The following FRAS1 variants were observed in gnomAD, a reference collection of about 807,000 sequenced individuals.
FRAS1 encodes extracellular matrix organizing protein FRAS1.
In FRAS1, 290 loss-of-function variants were observed where a neutral mutation model predicts 435.2. The ratio of observed to expected loss-of-function variants is 0.67; its 90% confidence interval spans 0.61 to 0.73. The LOEUF (loss-of-function observed/expected upper bound fraction) is 0.73. FRAS1 is among the 30% of genes least tolerant of loss of function. FRAS1 has a pLI of 0.00. For synonymous variants in FRAS1, 1,800 were observed against 1,851.0 expected, an observed-to-expected ratio of 0.97 and a Z score of 0.71; for missense variants, 4,860 against 5,001.5, an observed-to-expected ratio of 0.97 and a Z score of 0.85.
intron 2 of FRAS1, among the ~76,000 whole-genome samples, chr4:78,118,732 C>A (rs1013372196): frequency 1.3e-5 from 2 of 152,184 alleles, no homozygotes; most frequent in African/African-American, 4.8e-5. Flanking sequence ...CTTTCTTTGA[C>A]TAGGAAAGGG....
chr4:78,229,724 A>T (rs1481190132), intron 2 of FRAS1, among the ~76,000 whole-genome samples: 2 of 146,464 alleles, frequency 1.4e-5, no homozygotes, highest in Non-Finnish European at 3.0e-5. Flanking sequence ...AAAAAAAAAA[A>T]GTCAGGGTTT....
chr4:78,258,339 CA>C (rs33932507), intron 6 of FRAS1, among the ~76,000 whole-genome samples: 80,731 of 139,746 alleles, frequency 0.58, 22,842 homozygotes, highest in Middle Eastern at 0.62. Context: ...AGACCTGTAT[CA>C]AAAAAAAAAA....
chr4:78,384,264 C>T (rs912129786), intron 28 of FRAS1, 121 bp downstream of exon 28: 3 of 735,258 alleles, frequency 4.1e-6, no homozygotes, highest in Admixed American at 6.6e-5. Context: ...TCTTGGTTTC[C>T]TCTTGAGATG....
At chr4:78,113,048 A>G (rs545102800) in intron 2 of FRAS1, among the ~76,000 whole-genome samples, 2 of 152,140 alleles carry the variant, frequency 1.3e-5, no homozygotes, top group South Asian at 2.1e-4. Context: ...TCATTGTTCA[A>G]TTCCCACCTA....
At chr4:78,535,059 C>A (rs1721838882) in intron 71 of FRAS1, among the ~76,000 whole-genome samples, 1 of 152,192 alleles carries the variant, frequency 6.6e-6, no homozygotes, top group African/African-American at 2.4e-5. Context: ...TGGATTCTAT[C>A]CTATCTTTCT....
rs772447234 is a variant in FRAS1, at chr4:78,252,442, T to C, written c.360T>C (p.His120=). ...CATGTAGTGTGTGCTCTTGCAATCA[T>C]GGGGAAGTCCGATGTACCCCCCAAC... ...SSPCSVCSCN[H]GEVRCTPQPC... Residue 120 remains histidine, a synonymous_variant, in exon 5 of 74, where the codon CAT becomes CAC. Coordinates refer to ENST00000512123, the MANE Select transcript of FRAS1 (RefSeq NM_025074.7). The C allele has an allele frequency of 1.2e-6, 2 of 1,613,678 alleles. No homozygotes were observed. The highest frequency in any genetic ancestry group is 2.2e-5 in the South Asian group (2 of 91,062).
chr4:78,429,294 C>T, intron 36 of FRAS1, 68 bp downstream of exon 36: 1 of 1,509,646 alleles, frequency 6.6e-7, no homozygotes, highest in Non-Finnish European at 8.9e-7. Flanking sequence ...CCTCTTCAAA[C>T]CTCTTGATGG....
chr4:78,531,929 A>G (rs895042429), intron 70 of FRAS1, among the ~76,000 whole-genome samples: 2 of 152,216 alleles, frequency 1.3e-5, no homozygotes, highest in African/African-American at 4.8e-5. Context: ...CTCCTTTAAA[A>G]TATATTAAAA....
intron 9 of FRAS1, among the ~76,000 whole-genome samples, chr4:78,275,706 C>T (rs1024198196): frequency 1.1e-4 from 16 of 152,200 alleles, no homozygotes; most frequent in African/African-American, 2.9e-4. Flanking sequence ...ATGGGCTTCC[C>T]TTTGTGGGCA....
At chr4:78,079,213 T>C (rs900012256) in intron 2 of FRAS1, among the ~76,000 whole-genome samples, 6 of 151,856 alleles carry the variant, frequency 4.0e-5, no homozygotes, top group Admixed American at 3.9e-4. Context: ...GTGATTGGGG[T>C]CTCATAAGGG....
chr4:78,233,127 T>C lies in FRAS1; in HGVS notation c.109-4383T>C, dbSNP rs1724586572. Among the ~76,000 whole-genome samples, 4 of 152,232 alleles carry C rather than the reference T, an allele frequency of 2.6e-5. No individual in the cohort carries two copies. The South Asian group carries it at 8.3e-4, about 31-fold the overall frequency. On this transcript the variant is annotated intron_variant, in intron 2 of 73. Transcript: ENST00000512123. ...GACTGCTTTCAAGTTTGGAGGTCAC[T>C]GTCAAAATAATTGAAGTGCAGAGAA... is the stretch of plus-strand genomic sequence containing the variant.
At chr4:78,499,355 G>C (rs997329259) in intron 60 of FRAS1, among the ~76,000 whole-genome samples, 4 of 151,956 alleles carry the variant, frequency 2.6e-5, no homozygotes, top group African/African-American at 9.7e-5. Flanking sequence ...ATTTATCTAG[G>C]GCCTACTATG....
chr4:78,333,770 A>G (rs956958047), intron 19 of FRAS1, among the ~76,000 whole-genome samples: 14 of 152,188 alleles, frequency 9.2e-5, no homozygotes, highest in African/African-American at 2.9e-4. Flanking sequence ...TTAGTTCAGC[A>G]TAAGTCTTTG....
At chr4:78,182,575 C>A (rs1487740831) in intron 2 of FRAS1, among the ~76,000 whole-genome samples, 1 of 152,068 alleles carries the variant, frequency 6.6e-6, no homozygotes, top group Non-Finnish European at 1.5e-5. Flanking sequence ...TTGAGGAAAT[C>A]TAAGTTAAAA....
intron 59 of FRAS1, among the ~76,000 whole-genome samples, chr4:78,493,777 C>T (rs1396947202): frequency 1.3e-5 from 2 of 152,024 alleles, no homozygotes; most frequent in Non-Finnish European, 2.9e-5. Context: ...GCATGTTCTG[C>T]ACATGTATCC....
In FRAS1 at chr4:78,226,228, GTTA is replaced by G. The variant is rs146274075; in HGVS notation, c.109-11276_109-11274del. On this transcript the variant is annotated intron_variant, in intron 2 of 73. Coordinates refer to ENST00000512123, the MANE Select transcript of FRAS1 (RefSeq NM_025074.7). ...ACACATGTGTTAAATCCCACCAGAT[GTTA>G]TTATTTTTGTTTTATATAGTTATTA... 2.8e-3 allele frequency among the ~76,000 whole-genome samples: 430 copies of G among 152,098 alleles called. 2 individuals carry two copies. Among genetic ancestry groups the G allele is most frequent in the African/African-American group, 9.7e-3 (403 of 41,520 alleles).
intron 16 of FRAS1, among the ~76,000 whole-genome samples, chr4:78,316,084 T>C (rs977152768): frequency 3.9e-5 from 6 of 152,236 alleles, no homozygotes; most frequent in Non-Finnish European, 7.3e-5. Context: ...ACATAGGTCA[T>C]ATATTGGCAA....
chr4:78,508,780 G>A lies in FRAS1; in HGVS notation c.9554G>A (p.Gly3185Glu), dbSNP rs776012218. The A allele has an allele frequency of 6.2e-7, 1 of 1,613,728 alleles. No individual in the cohort carries two copies. Residue 3185 changes from glycine to glutamate, a missense_variant, in exon 63 of 74, where the codon GGA (glycine) becomes GAA (glutamate). Gly to Glu is a moderately conservative substitution (Grantham distance 98, BLOSUM62 -2). Transcript: ENST00000512123. ...CATGTGGAAGAAGTTACCAAGGAAG[G>A]AGTCAAGAAATCCCCCTCCCCAGGC... ...YDHVEEVTKE[G>E]VKKSPSPGYP... is the part of the protein sequence containing the mutation.
At chr4:78,208,374 C>T (rs1723353110) in intron 2 of FRAS1, among the ~76,000 whole-genome samples, 1 of 152,146 alleles carries the variant, frequency 6.6e-6, no homozygotes, top group African/African-American at 2.4e-5. Flanking sequence ...GGGAATATGA[C>T]AAAGCAAGGT....
Sources: allele counts gnomAD v4.1 joint callset (sites outside exome capture counted in the v4.1 genomes callset), GRCh38; gene constraint gnomAD v4.1.1; transcripts MANE v1.5; gene names NCBI Gene and HGNC (gene_info 2026-07-23, HGNC 2026-07-21).